ALKBH8: variants seen among roughly 807,000 people sequenced by gnomAD.
ALKBH8 encodes tRNA (carboxymethyluridine(34)-5-O)-methyltransferase ALKBH8.
Under a neutral mutation model 59.8 loss-of-function variants are expected in ALKBH8, and 36 were observed. That is an observed-to-expected ratio of 0.60 (90% CI 0.46 to 0.79). The LOEUF (loss-of-function observed/expected upper bound fraction) is 0.79, where lower values mean the gene tolerates loss of function less well. Among genes scored for constraint, ALKBH8 ranks in the 30% least tolerant of loss-of-function variants. The pLI, the probability that ALKBH8 is intolerant of heterozygous loss-of-function variation, is 0.00. For synonymous variants in ALKBH8, 276 were observed against 273.6 expected, an observed-to-expected ratio of 1.01 and a Z score of -0.09; for missense variants, 768 against 801.0, an observed-to-expected ratio of 0.96 and a Z score of 0.50.
chr11:107,534,061 C>T (rs879276763), intron 7 of ALKBH8, among the ~76,000 whole-genome samples: 10 of 151,946 alleles, frequency 6.6e-5, no homozygotes, highest in Admixed American at 3.3e-4. Context: ...ACCCAGGAGG[C>T]GGAGGTTGCA....
intron 7 of ALKBH8, among the ~76,000 whole-genome samples, chr11:107,534,809 T>C (rs1156747717): frequency 1.3e-5 from 2 of 151,958 alleles, no homozygotes; most frequent in South Asian, 2.1e-4. Flanking sequence ...TTTGGTTATA[T>C]GGATAAGTTC....
rs577093663 is a variant in ALKBH8, at chr11:107,512,366, T to A, written c.1288-1330A>T. Among the ~76,000 whole-genome samples the A allele has an allele frequency of 2.0e-5, 3 of 152,182 alleles. No individual in the cohort carries two copies. The South Asian group carries it at 6.2e-4, about 32-fold the overall frequency. ...TCTCACTCTATTACCTAAGCTCGAG[T>A]ACAGTGGTGCAATCCCAGCCCACGG... On this transcript the variant is annotated intron_variant, in intron 10 of 11. Transcript: ENST00000428149.
chr11:107,552,939 AT>A (rs1269225753), intron 5 of ALKBH8, among the ~76,000 whole-genome samples, 168 bp downstream of exon 5: 1 of 152,108 alleles, frequency 6.6e-6, no homozygotes, highest in Non-Finnish European at 1.5e-5. Flanking sequence ...CCAGTTTGAA[AT>A]TTTTTTACAA....
At chr11:107,541,744 T>C (rs1030419283) in intron 7 of ALKBH8, among the ~76,000 whole-genome samples, 1 of 152,074 alleles carries the variant, frequency 6.6e-6, no homozygotes, top group African/African-American at 2.4e-5. Context: ...CAGTACCTGC[T>C]CTGGAAAAAG....
At position 107,503,780 on chromosome 11, in the gene ALKBH8, C is replaced by T. The variant is rs986499384; in HGVS notation, c.*878G>A. 2.6e-5 allele frequency: 4 copies of T among 152,198 alleles called. No individual in the cohort carries two copies. Among genetic ancestry groups the T allele is most frequent in the Non-Finnish European group, 4.4e-5 (3 of 68,030 alleles). 9.4% of individuals were successfully genotyped at this position (152,198 alleles called of 1,614,324 possible). ...TTTAAACAAAGGAGTTAAAGGAGCA[C>T]ATTTGGGTTGTTTTTAGCACCCTGC... On this transcript the variant is annotated 3_prime_UTR_variant, in exon 12 of 12. Transcript: ENST00000428149.
chr11:107,559,779 C>T (rs1348170419), intron 2 of ALKBH8, among the ~76,000 whole-genome samples: 1 of 152,128 alleles, frequency 6.6e-6, no homozygotes, highest in Non-Finnish European at 1.5e-5. Flanking sequence ...TTCAAATGTG[C>T]CTCAACAGAC....
chr11:107,516,561 T>C (rs900050286), intron 10 of ALKBH8, among the ~76,000 whole-genome samples: 1 of 152,110 alleles, frequency 6.6e-6, no homozygotes, highest in African/African-American at 2.4e-5. Context: ...ATTTTTTGGA[T>C]ATGACCCCAA....
chr11:107,535,465 G>A (rs1426129047), intron 7 of ALKBH8, among the ~76,000 whole-genome samples: 1 of 152,062 alleles, frequency 6.6e-6, no homozygotes, highest in Non-Finnish European at 1.5e-5. Context: ...GGAGTAAGGT[G>A]GCATTGCATT....
In ALKBH8 at chr11:107,565,291, C is replaced by T. The variant is rs546367570; in HGVS notation, c.-7+310G>A. On this transcript the variant is annotated intron_variant, in intron 1 of 11. Coordinates refer to ENST00000428149, the MANE Select transcript of ALKBH8 (RefSeq NM_138775.3). ...CCGATTGTCACCGGTCAGAAAAGCC[C>T]CAGAAGCGCCACACTAACACGCCCC... 30 of 489,580 alleles carry T rather than the reference C, an allele frequency of 6.1e-5. 1 individual carries two copies. Among genetic ancestry groups the T allele is most frequent in the African/African-American group, 5.4e-4 (28 of 51,638 alleles). 30.3% of individuals were successfully genotyped at this position (489,580 alleles called of 1,614,324 possible).
rs142187089 is a variant in ALKBH8 at position 107,519,965 on chromosome 11, A to G, written c.1287+2334T>C. Among the ~76,000 whole-genome samples, 418 of 152,330 alleles carry G rather than the reference A, an allele frequency of 2.7e-3. 4 individuals carry two copies. Among genetic ancestry groups the G allele is most frequent in the African/African-American group, 9.6e-3 (401 of 41,570 alleles). On this transcript the variant is annotated intron_variant, in intron 10 of 11. Transcript: ENST00000428149. ...TACTAAATATTTAATTAACCATTGA[A>G]GTGCTATGCAAATGTTAGTTATTAT... is the stretch of plus-strand genomic sequence containing the variant.
chr11:107,515,272 A>C (rs1208272453), intron 10 of ALKBH8, among the ~76,000 whole-genome samples: 3 of 152,234 alleles, frequency 2.0e-5, no homozygotes, highest in African/African-American at 7.2e-5. Flanking sequence ...AAAAACCCAC[A>C]TATATTCAAG....
chr11:107,506,112 T>C (rs534892394), intron 11 of ALKBH8, among the ~76,000 whole-genome samples: 2 of 152,264 alleles, frequency 1.3e-5, no homozygotes, highest in South Asian at 4.1e-4. Flanking sequence ...GAATTTAAGA[T>C]CTGCCAAGGT....
rs1862307113 is a variant in ALKBH8, at chr11:107,504,793, A to T, written c.1860T>A (p.Ser620Arg). 9 of 1,551,958 alleles carry T rather than the reference A, an allele frequency of 5.8e-6. No homozygotes were observed. In the East Asian group the frequency reaches 2.2e-4, roughly 38 times the overall value. ...CATGGTAGTAACGATGAAACACAGGACTTGGGTCCTGGGATCCTATGGGAC... is the reference window on the plus strand; with the variant it reads ...CATGGTAGTAACGATGAAACACAGGTCTTGGGTCCTGGGATCCTATGGGAC... ...PFGPIGSQDPSPVFHRYYHVF... is the reference protein window; with the variant it reads ...PFGPIGSQDPRPVFHRYYHVF... Residue 620 changes from serine (S) to arginine (R), a missense_variant, in exon 12 of 12, where the codon AGT becomes AGA. Coordinates refer to ENST00000428149, the MANE Select transcript of ALKBH8 (RefSeq NM_138775.3).
chr11:107,523,200 T>C (rs1863199290), intron 9 of ALKBH8, among the ~76,000 whole-genome samples: 1 of 152,066 alleles, frequency 6.6e-6, no homozygotes, highest in Non-Finnish European at 1.5e-5. Context: ...AGCCAAGACA[T>C]GGAATCAAAG....
intron 7 of ALKBH8, among the ~76,000 whole-genome samples, chr11:107,535,772 A>G (rs1863790821): frequency 6.6e-6 from 1 of 152,054 alleles, no homozygotes; most frequent in African/African-American, 2.4e-5. Context: ...TGTCCCATGA[A>G]CACAGAAAGT....
chr11:107,548,919 C>T (rs1346883194), intron 7 of ALKBH8, among the ~76,000 whole-genome samples: 5 of 150,494 alleles, frequency 3.3e-5, no homozygotes, highest in East Asian at 1.9e-4. Context: ...GGCGCAATCT[C>T]GGCTCACTGC....
At chr11:107,557,078 AT>A (rs889100385) in intron 2 of ALKBH8, 75 bp from the exon 3 acceptor site, 40 of 1,099,544 alleles carry the variant, frequency 3.6e-5, no homozygotes, top group Non-Finnish European at 4.7e-5. Context: ...TTAAAATAAG[AT>A]TTTTTTTAAA....
chr11:107,513,613 C>T (rs1335125313), intron 10 of ALKBH8, among the ~76,000 whole-genome samples: 1 of 152,124 alleles, frequency 6.6e-6, no homozygotes, highest in Non-Finnish European at 1.5e-5. Context: ...CAGCATTATT[C>T]ACAATAGTAA....
Position 107,504,995 on chromosome 11 carries a change from G to C in ALKBH8, c.1658C>G (p.Ser553Trp), listed in dbSNP as rs948804281. ...EQMRDMGSRD[S>W]ASSVPRINDS... ...ATTAATGCGGGGGACAGAAGATGCC[G>C]AGTCTCGACTGCCCATGTCACGCAT... The change falls in exon 12 of 12, where the codon TCG becomes TGG. Residue 553 changes from serine (S) to tryptophan (W), a missense_variant. Coordinates refer to ENST00000428149, the MANE Select transcript of ALKBH8 (RefSeq NM_138775.3). The C allele has an allele frequency of 6.4e-7, 1 of 1,551,580 alleles. No homozygotes were observed.
Sources: gnomAD v4.1 joint callset for allele counts (sites outside exome capture counted in the v4.1 genomes callset) on GRCh38, gnomAD v4.1.1 for gene constraint, MANE v1.5 for transcripts, NCBI Gene and HGNC (gene_info 2026-07-23, HGNC 2026-07-21) for gene names.